Variants in PDZRN4 observed in about 807,000 individuals in gnomAD.
PDZRN4 encodes PDZ domain-containing RING finger protein 4.
PDZRN4 carries 70 observed loss-of-function variants against 99.0 expected under a neutral mutation model. The observed-to-expected ratio is 0.71, with a 90% confidence interval of 0.58 to 0.86. The LOEUF (loss-of-function observed/expected upper bound fraction) is 0.86. PDZRN4 is among the 40% of genes least tolerant of loss of function. PDZRN4 has a pLI of 0.00. For synonymous variants in PDZRN4, 551 were observed against 501.6 expected (o/e 1.10, Z -1.32); for missense variants, 1,474 against 1,331.2 (o/e 1.11, Z -1.67).
At chr12:41,478,251 G>T (rs1188339125) in intron 3 of PDZRN4, among the ~76,000 whole-genome samples, 1 of 152,056 alleles carries the variant, frequency 6.6e-6, no homozygotes, top group Non-Finnish European at 1.5e-5. Flanking sequence ...GAGTAGCTGG[G>T]ATTACAGGCA....
At chr12:41,307,733 A>G (rs1460866331) in intron 3 of PDZRN4, among the ~76,000 whole-genome samples, 1 of 151,996 alleles carries the variant, frequency 6.6e-6, no homozygotes, top group Non-Finnish European at 1.5e-5. Context: ...TACATGTGAT[A>G]TCCACTCTTG....
chr12:41,196,404 G>T (rs557774244), intron 3 of PDZRN4, among the ~76,000 whole-genome samples: 5 of 152,162 alleles, frequency 3.3e-5, no homozygotes, highest in African/African-American at 1.2e-4. Context: ...TGCTATAGTT[G>T]TAGAATGGAT....
At chr12:41,443,439 C>T (rs943095910) in intron 3 of PDZRN4, among the ~76,000 whole-genome samples, 1 of 152,126 alleles carries the variant, frequency 6.6e-6, no homozygotes, top group Non-Finnish European at 1.5e-5. Context: ...GGCAGACTCC[C>T]TGGGTATGGC....
At chr12:41,239,428 C>A (rs1009899137) in intron 3 of PDZRN4, among the ~76,000 whole-genome samples, 1 of 152,080 alleles carries the variant, frequency 6.6e-6, no homozygotes, top group Non-Finnish European at 1.5e-5. Context: ...CACATGTTTA[C>A]CCATGTCACA....
chr12:41,420,516 G>C (rs1442818109), intron 3 of PDZRN4, among the ~76,000 whole-genome samples: 2 of 151,990 alleles, frequency 1.3e-5, no homozygotes. Flanking sequence ...TTACTCTTAA[G>C]TAGCTCTCTC....
chr12:41,242,605 A>C (rs1025805220), intron 3 of PDZRN4, among the ~76,000 whole-genome samples: 2 of 151,700 alleles, frequency 1.3e-5, no homozygotes, highest in Admixed American at 1.3e-4. Flanking sequence ...AAGATTAGGA[A>C]GCATTTTATT....
chr12:41,383,631 T>C (rs1224106268), intron 3 of PDZRN4, among the ~76,000 whole-genome samples: 1 of 152,224 alleles, frequency 6.6e-6, no homozygotes, highest in African/African-American at 2.4e-5. Flanking sequence ...ATAACTCTGT[T>C]ATTAATGTTT....
At chr12:41,308,215 T>A (rs1951584563) in intron 3 of PDZRN4, among the ~76,000 whole-genome samples, 1 of 152,148 alleles carries the variant, frequency 6.6e-6, no homozygotes, top group African/African-American at 2.4e-5. Flanking sequence ...TCTGGCCTCA[T>A]TGATAATATA....
At chr12:41,342,838 C>A (rs1261676667) in intron 3 of PDZRN4, among the ~76,000 whole-genome samples, 1 of 151,850 alleles carries the variant, frequency 6.6e-6, no homozygotes, top group Non-Finnish European at 1.5e-5. Context: ...ACCATATGCT[C>A]CAGCAATCCA....
chr12:41,227,368 C>A (rs1951001695), intron 3 of PDZRN4, among the ~76,000 whole-genome samples: 1 of 152,052 alleles, frequency 6.6e-6, no homozygotes, highest in African/African-American at 2.4e-5. Flanking sequence ...TAACCAGTTG[C>A]AAACTGAGAC....
chr12:41,210,209 G>A (rs946312001), intron 3 of PDZRN4, among the ~76,000 whole-genome samples: 4 of 151,178 alleles, frequency 2.6e-5, no homozygotes, highest in African/African-American at 9.7e-5. Context: ...TTTTTTTCTT[G>A]TAAATTTGTT....
At chr12:41,501,302 A>G (rs554169311) in intron 3 of PDZRN4, among the ~76,000 whole-genome samples, 2 of 152,188 alleles carry the variant, frequency 1.3e-5, no homozygotes, top group Non-Finnish European at 2.9e-5. Context: ...TGCACTTGTT[A>G]GCACTTCAAA....
chr12:41,266,833 GT>G (rs1951280457), intron 3 of PDZRN4, among the ~76,000 whole-genome samples: 1 of 152,174 alleles, frequency 6.6e-6, no homozygotes, highest in Non-Finnish European at 1.5e-5. Context: ...AAATGATGCT[GT>G]CTTTTATAAT....
chr12:41,428,020 A>C (rs879765514), intron 3 of PDZRN4, among the ~76,000 whole-genome samples: 3 of 152,114 alleles, frequency 2.0e-5, no homozygotes, highest in Non-Finnish European at 4.4e-5. Flanking sequence ...CCCGGGAGGC[A>C]GAGGTTGTGG....
chr12:41,472,947 A>G lies in PDZRN4; in HGVS notation c.844-33509A>G, dbSNP rs372855608. ...TGTTAAAGTATTAGGTTTTTACATA[A>G]TAATCTTTGCAATGTAGCTAACTAA... On this transcript the variant is annotated intron_variant, in intron 3 of 9. Transcript: ENST00000402685. Among the ~76,000 whole-genome samples the G allele has an allele frequency of 1.5e-4, 23 of 152,364 alleles. No homozygotes were observed. In the East Asian group the frequency reaches 1.5e-3, roughly 10 times the overall value.
chr12:41,270,647 T>A (rs1438037454), intron 3 of PDZRN4, among the ~76,000 whole-genome samples: 1 of 152,160 alleles, frequency 6.6e-6, no homozygotes, highest in South Asian at 2.1e-4. Flanking sequence ...AACTGATTAA[T>A]CATACAATAA....
At chr12:41,263,758 C>T (rs1023749437) in intron 3 of PDZRN4, among the ~76,000 whole-genome samples, 3 of 152,110 alleles carry the variant, frequency 2.0e-5, no homozygotes, top group Non-Finnish European at 4.4e-5. Context: ...AATTAGCAAT[C>T]ACATGAATTT....
At chr12:41,315,111 C>A (rs2120959146) in intron 3 of PDZRN4, among the ~76,000 whole-genome samples, 1 of 152,208 alleles carries the variant, frequency 6.6e-6, no homozygotes, top group South Asian at 2.1e-4. Flanking sequence ...GAATTCCACT[C>A]AGTTATATTA....
intron 3 of PDZRN4, among the ~76,000 whole-genome samples, chr12:41,459,169 G>T (rs1474065629): frequency 1.1e-4 from 16 of 152,156 alleles, no homozygotes; most frequent in Admixed American, 8.5e-4. Context: ...GCACATTCCA[G>T]GTTGATAGGA....
Sources: gnomAD v4.1 joint callset for allele counts (sites outside exome capture counted in the v4.1 genomes callset) on GRCh38, gnomAD v4.1.1 for gene constraint, MANE v1.5 for transcripts, NCBI Gene and HGNC (gene_info 2026-07-23, HGNC 2026-07-21) for gene names.